Variants in TASOR observed in about 807,000 individuals in gnomAD.
TASOR encodes the protein protein TASOR.
TASOR carries 53 observed loss-of-function variants against 178.6 expected under a neutral mutation model. That is an observed-to-expected ratio of 0.30 (90% CI 0.24 to 0.37). The LOEUF (loss-of-function observed/expected upper bound fraction) is 0.37. TASOR is among the 10% of genes least tolerant of loss of function. The pLI, the probability that TASOR is intolerant of heterozygous loss-of-function variation, is 1.00. For synonymous variants in TASOR, 713 were observed against 696.2 expected (o/e 1.02, Z -0.38); for missense variants, 1,815 against 1,971.4 (o/e 0.92, Z 1.50).
intron 14 of TASOR, among the ~76,000 whole-genome samples, chr3:56,645,323 C>CA (rs1353284382): frequency 6.6e-6 from 1 of 152,026 alleles, no homozygotes; most frequent in Non-Finnish European, 1.5e-5. Flanking sequence ...AGTGAGGATA[C>CA]AAATACAGAT....
intron 15 of TASOR, among the ~76,000 whole-genome samples, 155 bp downstream of exon 15, chr3:56,641,194 T>C (rs1220090399): frequency 6.6e-6 from 1 of 152,182 alleles, no homozygotes; most frequent in East Asian, 1.9e-4. Flanking sequence ...TAACAAGGAA[T>C]AACTTAGGAA....
intron 14 of TASOR, among the ~76,000 whole-genome samples, chr3:56,643,769 C>CAAA (rs66937003): frequency 0.013 from 1,343 of 101,750 alleles, 30 homozygotes; most frequent in African/African-American, 0.055. Flanking sequence ...AAAAAAAAAA[C>CAAA]AAAAAAAAAA....
In TASOR at chr3:56,621,153, C is replaced by CATCT. The variant is rs2076496063; in HGVS notation, c.*1880_*1883dup. On this transcript the variant is annotated 3_prime_UTR_variant, in exon 24 of 24. Coordinates refer to ENST00000683822, the MANE Select transcript of TASOR (RefSeq NM_001365635.2). ...CAGCTTGGGCGACAGAGCGAGACTC[C>CATCT]ATCTCCAAAAAAAAACAAAACAACA... is the stretch of plus-strand genomic sequence containing the variant. 1 of 140,618 alleles carries CATCT rather than the reference C, an allele frequency of 7.1e-6. No homozygotes were observed. Among genetic ancestry groups the CATCT allele is most frequent in the Admixed American group, 7.0e-5 (1 of 14,242 alleles). 8.7% of individuals were successfully genotyped at this position (140,618 alleles called of 1,614,324 possible).
intron 13 of TASOR, among the ~76,000 whole-genome samples, chr3:56,647,658 G>A (rs1007713901): frequency 1.4e-4 from 22 of 152,288 alleles, no homozygotes; most frequent in Middle Eastern, 3.4e-3. Context: ...ATATGTAGAT[G>A]CTGAGTAGCC....
intron 7 of TASOR, among the ~76,000 whole-genome samples, chr3:56,665,922 T>A (rs1578277077): frequency 6.6e-6 from 1 of 152,102 alleles, no homozygotes; most frequent in African/African-American, 2.4e-5. Flanking sequence ...TGAGCCGAGA[T>A]CCTGCCAATG....
At chr3:56,677,506 T>C (rs2031410329) in intron 1 of TASOR, among the ~76,000 whole-genome samples, 1 of 152,228 alleles carries the variant, frequency 6.6e-6, no homozygotes, top group African/African-American at 2.4e-5. Flanking sequence ...CCTTTTGAGT[T>C]GGCCCAAGGT....
chr3:56,676,039 T>G (rs1356851368), intron 1 of TASOR, among the ~76,000 whole-genome samples: 2 of 152,148 alleles, frequency 1.3e-5, no homozygotes, highest in Non-Finnish European at 2.9e-5. Context: ...AGGAGTAAGC[T>G]CAAACAAGTA....
At chr3:56,632,928 T>C (rs2076945577) in intron 18 of TASOR, 116 bp downstream of exon 18, 2 of 871,450 alleles carry the variant, frequency 2.3e-6, no homozygotes, top group South Asian at 3.9e-5. Context: ...TTAGCCACCA[T>C]TCCTGGCCTA....
chr3:56,627,126 CA>C lies in TASOR; in HGVS notation c.4049del (p.Leu1350Ter). On this transcript the variant is annotated frameshift_variant, in exon 21 of 24. Coordinates refer to ENST00000683822, the MANE Select transcript of TASOR (RefSeq NM_001365635.2). LOFTEE classifies it high-confidence loss of function. ...VVTVENLKNF[L>X]TFLEELSTPE... Reference sequence around the variant, plus strand: ...GAGTACTAAGTTCCTCAAGGAATGTCAAAAAATTTTTAAGGTTCTCTGTTAG... The same window carrying C: ...GAGTACTAAGTTCCTCAAGGAATGTCAAAAATTTTTAAGGTTCTCTGTTAG... 1 of 1,607,680 alleles carries C rather than the reference CA, an allele frequency of 6.2e-7. No individual in the cohort carries two copies. The highest frequency in any genetic ancestry group is 8.5e-7 in the Non-Finnish European group (1 of 1,176,862).
At chr3:56,625,833 A>G (rs1267621499) in intron 21 of TASOR, among the ~76,000 whole-genome samples, 1 of 151,992 alleles carries the variant, frequency 6.6e-6, no homozygotes, top group Non-Finnish European at 1.5e-5. Flanking sequence ...CATGTTGGAC[A>G]GGATACTCTC....
At chr3:56,670,484 G>A (rs758181533) in intron 3 of TASOR, among the ~76,000 whole-genome samples, 10 of 152,078 alleles carry the variant, frequency 6.6e-5, no homozygotes, top group Non-Finnish European at 1.2e-4. Flanking sequence ...AGAACTACAA[G>A]TGCTCACCAC....
rs773645397 is a variant in TASOR at position 56,646,595 on chromosome 3, A to C, written c.2142T>G (p.Leu714=). The change falls in exon 14 of 24, where the codon CTT becomes CTG. Residue 714 remains leucine (L), a synonymous_variant. Transcript: ENST00000683822. The part of the protein sequence containing the change: ...MRSKTVLKRK[L]EDLPENMRKL... ...TTCTCATATTTTCAGGTAGATCCTC[A>C]AGCTTCCTCTTCAAGACAGTTTTGC... 1.2e-6 allele frequency: 2 copies of C among 1,613,288 alleles called. No homozygotes were observed. The highest frequency in any genetic ancestry group is 1.7e-6 in the Non-Finnish European group (2 of 1,179,980).
At chr3:56,627,847 T>C in intron 19 of TASOR, 106 bp from the exon 20 acceptor site, 1 of 923,856 alleles carries the variant, frequency 1.1e-6, no homozygotes, top group Non-Finnish European at 1.7e-6. Context: ...TTATGGCTCA[T>C]CTATATTAGT....
intron 1 of TASOR, among the ~76,000 whole-genome samples, chr3:56,679,287 C>G (rs140004397): frequency 6.6e-6 from 1 of 152,286 alleles, no homozygotes; most frequent in African/African-American, 2.4e-5. Context: ...GGTACTTCAT[C>G]TCTACATCAA....
chr3:56,666,293 T>A lies in TASOR; in HGVS notation c.989A>T (p.Asp330Val), dbSNP rs2029962265. ...AGGTACAAACTTCGGAGTTTGTATA[T>A]CATCTTTGTAAGTAAAAGACACAAC... is the stretch of plus-strand genomic sequence containing the variant. ...YAVVSFTYKD[D>V]IQTPKFVPSS... The change falls in exon 7 of 24, where the codon GAT becomes GTT. Residue 330 changes from aspartate (D) to valine (V), a missense_variant. This residue lies in a region of TASOR where 504 missense variants were observed against 645.3 expected (regional missense o/e 0.78). Coordinates refer to ENST00000683822, the MANE Select transcript of TASOR (RefSeq NM_001365635.2). 3 of 1,545,656 alleles carry A rather than the reference T, an allele frequency of 1.9e-6. No individual in the cohort carries two copies. In the East Asian group the frequency reaches 7.4e-5, roughly 38 times the overall value.
chr3:56,629,041 G>C (rs2076856595), intron 18 of TASOR: 1 of 152,154 alleles, frequency 6.6e-6, no homozygotes, highest in Admixed American at 6.6e-5. Context: ...CCAAAGTGCT[G>C]GGATTACAGG....
intron 11 of TASOR, among the ~76,000 whole-genome samples, chr3:56,649,436 T>C (rs373709231): frequency 2.0e-5 from 3 of 152,316 alleles, no homozygotes; most frequent in African/African-American, 7.2e-5. Context: ...ATACAAAACA[T>C]GCTTTGAAAC....
chr3:56,646,449 T>C, intron 14 of TASOR, 73 bp downstream of exon 14: 1 of 1,264,826 alleles, frequency 7.9e-7, no homozygotes, highest in Non-Finnish European at 1.1e-6. Context: ...CTTTAATTTA[T>C]ACGCCCCTCT....
intron 1 of TASOR, among the ~76,000 whole-genome samples, chr3:56,680,846 C>A (rs2031719713): frequency 2.6e-5 from 4 of 152,036 alleles, no homozygotes; most frequent in Admixed American, 6.5e-5. Flanking sequence ...ATGGAAAATA[C>A]AAGTTTTACC....
Sources: gnomAD v4.1 joint callset for allele counts (sites outside exome capture counted in the v4.1 genomes callset) on GRCh38, gnomAD v4.1.1 for gene constraint, gnomAD v4.1.1 regional missense constraint, MANE v1.5 for transcripts, NCBI Gene and HGNC (gene_info 2026-07-23, HGNC 2026-07-21) for gene names.